The following ARHGEF28 variants were observed in gnomAD, a reference collection of about 807,000 sequenced individuals.
ARHGEF28 encodes 190 kDa guanine nucleotide exchange factor.
ARHGEF28 carries 152 observed loss-of-function variants against 206.6 expected under a neutral mutation model. That is an observed-to-expected ratio of 0.74 (90% CI 0.64 to 0.84). The LOEUF is 0.84. Ranked by LOEUF, ARHGEF28 falls within the 40% of genes least tolerant of loss-of-function variation. The pLI, the probability that ARHGEF28 is intolerant of heterozygous loss-of-function variation, is 0.00. For synonymous variants in ARHGEF28, 763 were observed against 776.4 expected (o/e 0.98, Z 0.29); for missense variants, 2,028 against 2,073.2 (o/e 0.98, Z 0.42).
intron 1 of ARHGEF28, among the ~76,000 whole-genome samples, chr5:73,660,830 G>T (rs916477102): frequency 6.6e-6 from 1 of 152,190 alleles, no homozygotes; most frequent in Admixed American, 6.5e-5. Flanking sequence ...AAACCATGCT[G>T]TAGGAAGATG....
chr5:73,638,745 A>G (rs1386731616), intron 1 of ARHGEF28, among the ~76,000 whole-genome samples: 1 of 152,232 alleles, frequency 6.6e-6, no homozygotes, highest in East Asian at 1.9e-4. Flanking sequence ...AACTTATGGA[A>G]CATTTAAAAT....
At chr5:73,780,617 C>T in intron 6 of ARHGEF28, 59 bp from the exon 7 acceptor site, 1 of 1,496,190 alleles carries the variant, frequency 6.7e-7, no homozygotes, top group Non-Finnish European at 9.0e-7. Context: ...TGTTGTATAT[C>T]TGGAACCTCA....
chr5:73,824,261 GTTTTACACAA>G (rs780892031), intron 9 of ARHGEF28, among the ~76,000 whole-genome samples: 57 of 152,296 alleles, frequency 3.7e-4, no homozygotes, highest in Admixed American at 1.2e-3. Context: ...GTATTGTGGT[GTTTTACACAA>G]TCTGTTTGTA....
At chr5:73,809,847 T>C (rs191571922) in intron 9 of ARHGEF28, among the ~76,000 whole-genome samples, 1 of 152,318 alleles carries the variant, frequency 6.6e-6, no homozygotes, top group Admixed American at 6.5e-5. Flanking sequence ...TACTCTTACA[T>C]GGTAATGGTT....
intron 13 of ARHGEF28, among the ~76,000 whole-genome samples, chr5:73,850,222 A>G (rs1169638171): frequency 6.6e-6 from 1 of 151,472 alleles, no homozygotes; most frequent in Non-Finnish European, 1.5e-5. Flanking sequence ...AAAAAGATAG[A>G]TAAAACACAA....
At chr5:73,854,454 C>T (rs1758891568) in intron 14 of ARHGEF28, among the ~76,000 whole-genome samples, 1 of 152,046 alleles carries the variant, frequency 6.6e-6, no homozygotes, top group Non-Finnish European at 1.5e-5. Flanking sequence ...CCTCCTTCTC[C>T]TCCTCTTTCT....
In ARHGEF28 at chr5:73,898,028, G is replaced by A. The variant is rs776413905; in HGVS notation, c.3908G>A (p.Ser1303Asn). Reference sequence around the variant, plus strand: ...GCCGTGAGTCAATCATGTGAGGACAGTTGTGGAGACTCTGTCTTGGCGGAC... The same window carrying A: ...GCCGTGAGTCAATCATGTGAGGACAATTGTGGAGACTCTGTCTTGGCGGAC... Reference protein sequence around the residue: ...MGAVSQSCEDSCGDSVLADTL... With the variant: ...MGAVSQSCEDNCGDSVLADTL... The change falls in exon 30 of 36, where the codon AGT becomes AAT. Residue 1303 changes from serine (S) to asparagine (N), a missense_variant. Physicochemically the swap from Ser to Asn is conservative, Grantham distance 46. This residue lies in a region of ARHGEF28 where 803 missense variants were observed against 768.0 expected (regional missense o/e 1.05). Coordinates refer to ENST00000513042, the MANE Select transcript of ARHGEF28 (RefSeq NM_001177693.2). 2.5e-6 allele frequency: 4 copies of A among 1,609,706 alleles called. No individual in the cohort carries two copies. The highest frequency in any genetic ancestry group is 2.5e-6 in the Non-Finnish European group (3 of 1,178,022).
At chr5:73,879,338 C>G (rs1370160923) in intron 22 of ARHGEF28, among the ~76,000 whole-genome samples, 7 of 152,076 alleles carry the variant, frequency 4.6e-5, no homozygotes, top group African/African-American at 1.2e-4. Context: ...AAATTTTTTT[C>G]AAAGTTTTCA....
intron 6 of ARHGEF28, among the ~76,000 whole-genome samples, chr5:73,777,466 C>T (rs1306833534): frequency 6.6e-6 from 1 of 152,104 alleles, no homozygotes; most frequent in Non-Finnish European, 1.5e-5. Context: ...ACTATTTAGG[C>T]TTTACAGAGT....
intron 9 of ARHGEF28, among the ~76,000 whole-genome samples, chr5:73,797,946 G>A (rs1754918672): frequency 6.6e-6 from 1 of 152,190 alleles, no homozygotes; most frequent in African/African-American, 2.4e-5. Flanking sequence ...TATTGAGCAT[G>A]TGACATGTGA....
chr5:73,639,604 A>G (rs1276010502), intron 1 of ARHGEF28, among the ~76,000 whole-genome samples: 2 of 152,162 alleles, frequency 1.3e-5, no homozygotes, highest in Admixed American at 1.3e-4. Context: ...GAGTACAAGT[A>G]TACAATAGAT....
intron 4 of ARHGEF28, among the ~76,000 whole-genome samples, chr5:73,762,467 A>C (rs539911893): frequency 3.2e-4 from 48 of 151,368 alleles, no homozygotes; most frequent in African/African-American, 5.3e-4. Context: ...AAAAAAAAAA[A>C]AAAAAAAACA....
chr5:73,901,008 G>A (rs1377973902), intron 30 of ARHGEF28, 176 bp from the exon 31 acceptor site: 3 of 536,454 alleles, frequency 5.6e-6, no homozygotes, highest in Non-Finnish European at 1.0e-5. Flanking sequence ...TGTGGGCAGG[G>A]ACCACATGCA....
intron 9 of ARHGEF28, among the ~76,000 whole-genome samples, chr5:73,826,494 A>G (rs1756914604): frequency 2.0e-5 from 3 of 152,236 alleles, no homozygotes; most frequent in African/African-American, 7.2e-5. Flanking sequence ...GCAGGTTTGC[A>G]GAAAACTGCC....
chr5:73,677,283 G>A (rs962035346), intron 1 of ARHGEF28, among the ~76,000 whole-genome samples: 1 of 152,140 alleles, frequency 6.6e-6, no homozygotes, highest in African/African-American at 2.4e-5. Context: ...GAAAGGAATC[G>A]TTAAGTAACA....
rs141848230 is a variant in ARHGEF28 at position 73,736,930 on chromosome 5, T to C, written c.34-12907T>C. 3.5e-3 allele frequency among the ~76,000 whole-genome samples: 525 copies of C among 152,154 alleles called. 5 individuals carry two copies. The highest frequency in any genetic ancestry group is 0.012 in the African/African-American group (510 of 41,516). On this transcript the variant is annotated intron_variant, in intron 2 of 35. Transcript: ENST00000513042. ...GGTCAGAAAAAGGAGCTCCTTCGTT[T>C]TAAAGCCATGGCTGCTTCTGCCTAA...
chr5:73,848,745 C>T (rs1344415840), intron 12 of ARHGEF28, among the ~76,000 whole-genome samples: 1 of 151,994 alleles, frequency 6.6e-6, no homozygotes, highest in Non-Finnish European at 1.5e-5. Context: ...TAGTTGCATT[C>T]TATAGTATAT....
intron 6 of ARHGEF28, among the ~76,000 whole-genome samples, chr5:73,778,467 T>G (rs957989112): frequency 6.6e-6 from 1 of 152,188 alleles, no homozygotes; most frequent in African/African-American, 2.4e-5. Context: ...TGGAGATGGC[T>G]CTCCAGTTTC....
At chr5:73,852,345 G>C (rs887858777) in intron 13 of ARHGEF28, among the ~76,000 whole-genome samples, 1 of 152,150 alleles carries the variant, frequency 6.6e-6, no homozygotes, top group African/African-American at 2.4e-5. Flanking sequence ...TATCCAAAAA[G>C]ATAGAGCTAA....
Sources: gnomAD v4.1 joint callset for allele counts (sites outside exome capture counted in the v4.1 genomes callset) on GRCh38, gnomAD v4.1.1 for gene constraint, gnomAD v4.1.1 regional missense constraint, MANE v1.5 for transcripts, NCBI Gene and HGNC (gene_info 2026-07-23, HGNC 2026-07-21) for gene names.